NFASC: variants seen among roughly 807,000 people sequenced by gnomAD.
NFASC encodes neurofascin, also known as neurofascin homolog.
A neutral mutation model predicts 147.5 loss-of-function variants in NFASC; 43 were observed. That is an observed-to-expected ratio of 0.29 (90% CI 0.23 to 0.38). The LOEUF is 0.38. NFASC is among the 10% of genes least tolerant of loss of function. The pLI is 1.00. For synonymous variants in NFASC, 622 were observed against 665.5 expected (o/e 0.93, Z 1.01); for missense variants, 1,320 against 1,689.0 (o/e 0.78, Z 3.83).
At chr1:204,892,750 T>C (rs1293973708) in intron 1 of NFASC, among the ~76,000 whole-genome samples, 1 of 152,266 alleles carries the variant, frequency 6.6e-6, no homozygotes, top group African/African-American at 2.4e-5. Flanking sequence ...TAAAATTGAA[T>C]TGATTTCACC....
At position 204,889,921 on chromosome 1, in the gene NFASC, C is replaced by T. The variant is rs537462472; in HGVS notation, c.-199-30711C>T. ...TTATCACAGCACCATGCTACTGCTT[C>T]AGAGGGTAATTCCCCTCCGGCAGCC... On this transcript the variant is annotated intron_variant, in intron 1 of 29. Coordinates refer to ENST00000339876, the MANE Select transcript of NFASC (RefSeq NM_001005388.3). 3.3e-5 allele frequency among the ~76,000 whole-genome samples: 5 copies of T among 152,370 alleles called. No individual in the cohort carries two copies. The South Asian group carries it at 8.3e-4, about 25-fold the overall frequency.
At chr1:204,926,562 C>T (rs1321854487) in intron 2 of NFASC, among the ~76,000 whole-genome samples, 4 of 149,638 alleles carry the variant, frequency 2.7e-5, no homozygotes, top group African/African-American at 7.4e-5. Context: ...CACAGTTGCG[C>T]GCCACCATGC....
intron 1 of NFASC, among the ~76,000 whole-genome samples, chr1:204,911,803 T>C (rs1040113118): frequency 6.6e-6 from 1 of 152,206 alleles, no homozygotes; most frequent in Non-Finnish European, 1.5e-5. Flanking sequence ...TTTCATTTTC[T>C]TAATTATAAA....
At chr1:204,965,964 G>T (rs1209765117) in intron 8 of NFASC, among the ~76,000 whole-genome samples, 4 of 152,216 alleles carry the variant, frequency 2.6e-5, no homozygotes, top group Non-Finnish European at 5.9e-5. Flanking sequence ...CTCCAGGTTT[G>T]CTGTGAGGAT....
At chr1:204,988,832 G>A (rs1204228630) in intron 23 of NFASC, 26 bp downstream of exon 23, 3 of 1,609,658 alleles carry the variant, frequency 1.9e-6, no homozygotes, top group South Asian at 2.2e-5. Context: ...CAGCCCCTGG[G>A]GTAAAAGGTC....
chr1:204,987,149 G>A lies in NFASC; in HGVS notation c.2471-269G>A, dbSNP rs990499547. ...CCTAACATGTGCTGAATCCAGAGTAGTTGCTAGAAGAAAACCTGATTTACT... is the reference window on the plus strand; with the variant it reads ...CCTAACATGTGCTGAATCCAGAGTAATTGCTAGAAGAAAACCTGATTTACT... On this transcript the variant is annotated intron_variant, in intron 21 of 29. Transcript: ENST00000339876. This position sits in a 1 kb window ranked among gnomAD's most constrained non-coding sequence, Gnocchi z 4.4. The A allele has an allele frequency of 1.9e-6, 1 of 514,520 alleles. No homozygotes were observed. The highest frequency in any genetic ancestry group is 1.9e-5 in the African/African-American group (1 of 52,268). The allele number at this position is 514,520 out of a possible 1,614,324, so 31.9% of individuals were successfully genotyped here. A position where few individuals can be genotyped will look rare whatever the true frequency, so the allele number is the denominator to read the frequency against.
intron 2 of NFASC, among the ~76,000 whole-genome samples, chr1:204,922,321 C>T (rs1291879060): frequency 2.0e-5 from 3 of 152,172 alleles, no homozygotes; most frequent in African/African-American, 7.2e-5. Context: ...TGACAGCAGC[C>T]TCACTGTCCG....
At chr1:204,921,656 T>G (rs981630585) in intron 2 of NFASC, among the ~76,000 whole-genome samples, 1 of 152,182 alleles carries the variant, frequency 6.6e-6, no homozygotes, top group Non-Finnish European at 1.5e-5. Flanking sequence ...CTTTGTGACC[T>G]TGGGAACGCT....
At chr1:204,837,420 C>T (rs116129468) in intron 1 of NFASC, among the ~76,000 whole-genome samples, 279 of 152,322 alleles carry the variant, frequency 1.8e-3, no homozygotes, top group African/African-American at 6.4e-3. Flanking sequence ...GTGGAAGAAG[C>T]GGTCTGGGGC....
chr1:205,001,172 C>A lies in NFASC; in HGVS notation c.3022C>A (p.Pro1008Thr), dbSNP rs775040484. The A allele has an allele frequency of 3.1e-5, 49 of 1,597,550 alleles. No homozygotes were observed. The South Asian group carries it at 5.3e-4, about 17-fold the overall frequency. The part of the protein sequence containing the change: ...TSGTKIHESA[P>T]DEQSIWNVTV... The stretch of plus-strand genomic sequence containing the variant: ...CCCTTTTCTAACCCGTCCACCAGCC[C>A]CTGATGAGCAGTCCATATGGAACGT... The change falls in exon 26 of 30, where the codon CCT (proline) becomes ACT (threonine). Residue 1008 changes from proline (P) to threonine (T), a missense_variant and splice_region_variant. By Grantham distance (38) the Pro-to-Thr change is conservative (BLOSUM62 -1). This residue lies in a region of NFASC where 172 missense variants were observed against 165.8 expected (regional missense o/e 1.04). Transcript: ENST00000339876.
At chr1:204,897,717 G>C (rs982298562) in intron 1 of NFASC, among the ~76,000 whole-genome samples, 19 of 151,226 alleles carry the variant, frequency 1.3e-4, no homozygotes, top group African/African-American at 4.6e-4. Flanking sequence ...GGGACTACAG[G>C]TGTGTGCCAC....
chr1:204,872,372 C>T (rs994575351), intron 1 of NFASC, among the ~76,000 whole-genome samples: 1 of 152,228 alleles, frequency 6.6e-6, no homozygotes. Context: ...ACACTTGCTT[C>T]CCATCTCCCT....
chr1:204,859,661 A>G (rs2076495886), intron 1 of NFASC, among the ~76,000 whole-genome samples: 1 of 152,242 alleles, frequency 6.6e-6, no homozygotes, highest in Non-Finnish European at 1.5e-5. Context: ...GCACTGAAGG[A>G]ATCCATTGAA....
At chr1:205,009,318 C>CTTT (rs2096204604) in intron 27 of NFASC, 1 of 624,148 alleles carries the variant, frequency 1.6e-6, no homozygotes, top group Admixed American at 2.3e-5. Flanking sequence ...CAACCTTCTG[C>CTTT]TTATTTGCTC....
Position 204,987,390 on chromosome 1 carries a change from C to T in NFASC, c.2471-28C>T, listed in dbSNP as rs1021065820. 2 of 1,604,560 alleles carry T rather than the reference C, an allele frequency of 1.2e-6. No individual in the cohort carries two copies. The highest frequency in any genetic ancestry group is 1.7e-6 in the Non-Finnish European group (2 of 1,173,220). ...ATCCTCCCTGCCCCCTCCCCCTCATCTCCCCTGCTCTCTCCTCCTTCCCCA... is the reference window on the plus strand; with the variant it reads ...ATCCTCCCTGCCCCCTCCCCCTCATTTCCCCTGCTCTCTCCTCCTTCCCCA... On this transcript the variant is annotated intron_variant, in intron 21 of 29. Coordinates refer to ENST00000339876, the MANE Select transcript of NFASC (RefSeq NM_001005388.3). The surrounding 1 kb of genome is among the most constrained non-coding windows in gnomAD (Gnocchi z 4.4).
At chr1:204,937,466 T>C (rs61817563) in intron 2 of NFASC, among the ~76,000 whole-genome samples, 25,949 of 152,064 alleles carry the variant, frequency 0.17, 3,000 homozygotes, top group African/African-American at 0.33. Context: ...TATTCATCCC[T>C]CAACCTGCAC....
rs1456013200 is a variant in NFASC, at chr1:204,975,402, C to T, written c.1690C>T (p.Leu564Phe). The change falls in exon 15 of 30, where the codon CTC (leucine) becomes TTC (phenylalanine). Residue 564 changes from leucine (L) to phenylalanine (F), a missense_variant. Leu to Phe is a conservative substitution (Grantham distance 22). Transcript: ENST00000339876. This position sits in a 1 kb window ranked among gnomAD's most constrained non-coding sequence, Gnocchi z 4.0. ...TVSWLKDDEP[L>F]YIGNRMKKED... The stretch of plus-strand genomic sequence containing the variant: ...CTCCTGGCTGAAGGATGACGAGCCG[C>T]TCTATATTGGAAACAGGTTTCTCTT... 5 of 1,613,946 alleles carry T rather than the reference C, an allele frequency of 3.1e-6. No individual in the cohort carries two copies. The South Asian group carries it at 5.5e-5, about 18-fold the overall frequency.
intron 1 of NFASC, among the ~76,000 whole-genome samples, chr1:204,894,720 A>C (rs1389850529): frequency 6.6e-6 from 1 of 151,846 alleles, no homozygotes; most frequent in African/African-American, 2.4e-5. Flanking sequence ...CCATCAGTCA[A>C]CCTCAGTGTC....
chr1:204,930,064 T>C (rs745646614), intron 2 of NFASC, among the ~76,000 whole-genome samples: 1 of 152,118 alleles, frequency 6.6e-6, no homozygotes, highest in Non-Finnish European at 1.5e-5. Context: ...GAAGGCAGAT[T>C]TCAGAACCCA....
Sources: allele counts gnomAD v4.1 joint callset (sites outside exome capture counted in the v4.1 genomes callset), GRCh38; gene constraint gnomAD v4.1.1; regional missense constraint gnomAD v4.1.1; non-coding constraint Gnocchi (gnomAD v3.1); transcripts MANE v1.5; gene names NCBI Gene and HGNC (gene_info 2026-07-23, HGNC 2026-07-21).